Variants in MTF2 observed in about 807,000 individuals in gnomAD.
MTF2 encodes the protein metal response element binding transcription factor 2, also known as metal-response element-binding transcription factor 2.
A neutral mutation model predicts 79.5 loss-of-function variants in MTF2; 11 were observed. The observed-to-expected ratio is 0.14, with a 90% confidence interval of 0.09 to 0.23. The LOEUF (loss-of-function observed/expected upper bound fraction) is 0.23. MTF2 is among the 10% of genes least tolerant of loss of function. MTF2 has a pLI of 1.00. For missense variants in MTF2, 486 were observed against 711.2 expected (o/e 0.68, Z 3.60); for synonymous variants, 208 against 232.8 (o/e 0.89, Z 0.97).
At chr1:93,132,469 G>GCATC (rs1656959176) in intron 11 of MTF2, among the ~76,000 whole-genome samples, 1 of 152,116 alleles carries the variant, frequency 6.6e-6, no homozygotes, top group African/African-American at 2.4e-5. Flanking sequence ...TTCTTTAAAG[G>GCATC]CATCCTCAGT....
chr1:93,083,995 A>G lies in MTF2; in HGVS notation c.5+4464A>G, dbSNP rs564862331. 2.0e-5 allele frequency among the ~76,000 whole-genome samples: 3 copies of G among 151,962 alleles called. No individual in the cohort carries two copies. The South Asian group carries it at 6.2e-4, about 31-fold the overall frequency. ...CTTTTCTTCCCCCATCCTGTGCATT[A>G]TCTTTTCACTTTCCTGATGGTGTCC... is the stretch of plus-strand genomic sequence containing the variant. On this transcript the variant is annotated intron_variant, in intron 1 of 14. Transcript: ENST00000370298.
intron 1 of MTF2, among the ~76,000 whole-genome samples, chr1:93,099,467 A>C (rs1423119061): frequency 6.6e-6 from 1 of 152,218 alleles, no homozygotes; most frequent in Non-Finnish European, 1.5e-5. Context: ...TAAAGGAGTA[A>C]AAGTCAGAGT....
intron 9 of MTF2, among the ~76,000 whole-genome samples, chr1:93,126,517 G>A (rs1218069391): frequency 2.0e-5 from 3 of 151,748 alleles, no homozygotes; most frequent in Non-Finnish European, 4.4e-5. Flanking sequence ...CATTAATTCA[G>A]GATGGTCCTT....
chr1:93,119,621 A>C (rs1362632720), intron 8 of MTF2: 1 of 439,906 alleles, frequency 2.3e-6, no homozygotes, highest in Non-Finnish European at 4.0e-6. Flanking sequence ...GTTATAAATG[A>C]AACTTTCAGA....
intron 1 of MTF2, among the ~76,000 whole-genome samples, chr1:93,099,633 G>T (rs1015266308): frequency 4.6e-5 from 7 of 152,120 alleles, no homozygotes; most frequent in Non-Finnish European, 8.8e-5. Flanking sequence ...GATATGCAAG[G>T]TTTATACAGC....
intron 8 of MTF2, 49 bp from the exon 9 acceptor site, chr1:93,120,500 C>T (rs912496241): frequency 1.3e-6 from 2 of 1,502,254 alleles, no homozygotes; most frequent in African/African-American, 1.4e-5. Context: ...GATTTTTTAA[C>T]AGTAACCAAA....
chr1:93,137,051 A>G lies in MTF2; in HGVS notation c.*24A>G, dbSNP rs1571259467. ...GACTGTAGGACTGAACATTATGTTC[A>G]CTGCACTCTGATTTTCTGTAGGTAC... On this transcript the variant is annotated 3_prime_UTR_variant, in exon 15 of 15. Transcript: ENST00000370298. 1.3e-6 allele frequency: 2 copies of G among 1,584,454 alleles called. No individual in the cohort carries two copies. The highest frequency in any genetic ancestry group is 1.7e-6 in the Non-Finnish European group (2 of 1,155,886).
chr1:93,120,803 A>G (rs1656442555), intron 9 of MTF2, 131 bp downstream of exon 9: 4 of 1,448,134 alleles, frequency 2.8e-6, no homozygotes, highest in Non-Finnish European at 3.6e-6. Context: ...AGTTCTGGGG[A>G]CAAATAAGTT....
At chr1:93,092,471 A>C (rs1655111598) in intron 1 of MTF2, among the ~76,000 whole-genome samples, 1 of 152,194 alleles carries the variant, frequency 6.6e-6, no homozygotes, top group Non-Finnish European at 1.5e-5. Context: ...AAAACAATGT[A>C]GTTTCTTTTC....
chr1:93,116,519 T>C (rs1386351080), intron 6 of MTF2, among the ~76,000 whole-genome samples: 2 of 151,218 alleles, frequency 1.3e-5, no homozygotes, highest in Non-Finnish European at 2.9e-5. Context: ...TTTTTTTTTT[T>C]TTGAGACAGG....
At chr1:93,119,071 G>T (rs557251240) in intron 7 of MTF2, among the ~76,000 whole-genome samples, 1 of 152,224 alleles carries the variant, frequency 6.6e-6, no homozygotes, top group African/African-American at 2.4e-5. Context: ...ATAAGTACGT[G>T]TGAGTCTGTG....
At chr1:93,104,883 G>A (rs1195124705) in intron 1 of MTF2, among the ~76,000 whole-genome samples, 2 of 151,940 alleles carry the variant, frequency 1.3e-5, no homozygotes, top group East Asian at 3.9e-4. Context: ...TCGGCCGGGC[G>A]CGGTGGCTCA....
At chr1:93,122,906 T>C (rs1316000323) in intron 9 of MTF2, among the ~76,000 whole-genome samples, 3 of 152,120 alleles carry the variant, frequency 2.0e-5, no homozygotes, top group African/African-American at 7.2e-5. Flanking sequence ...TTCAGTGTTT[T>C]TCATTTAGAT....
chr1:93,125,555 AG>A (rs1310514954), intron 9 of MTF2, among the ~76,000 whole-genome samples: 4 of 152,186 alleles, frequency 2.6e-5, no homozygotes, highest in Middle Eastern at 3.4e-3. Flanking sequence ...CAGAATCAAG[AG>A]AAAAGATCTG....
chr1:93,079,444 T>C lies in MTF2; in HGVS notation c.-83T>C, dbSNP rs1224653979. The C allele has an allele frequency of 2.5e-6, 4 of 1,585,734 alleles. No individual in the cohort carries two copies. Among genetic ancestry groups the C allele is most frequent in the Non-Finnish European group, 3.5e-6 (4 of 1,156,052 alleles). ...GGTGGGGCGGGTGCCCAGTAAGTGC[T>C]CGGACTCGCAGGGGAAGCGCCCACG... On this transcript the variant is annotated 5_prime_UTR_variant, in exon 1 of 15. Coordinates refer to ENST00000370298, the MANE Select transcript of MTF2 (RefSeq NM_007358.4).
chr1:93,111,959 A>G (rs1267640247), intron 3 of MTF2, among the ~76,000 whole-genome samples: 1 of 152,096 alleles, frequency 6.6e-6, no homozygotes, highest in Non-Finnish European at 1.5e-5. Flanking sequence ...ATTTAATGTA[A>G]TAGGTCTGTC....
intron 1 of MTF2, among the ~76,000 whole-genome samples, chr1:93,105,969 C>T (rs934718442): frequency 3.9e-5 from 6 of 152,086 alleles, no homozygotes; most frequent in East Asian, 3.9e-4. Context: ...CCACCATGCC[C>T]GGCCATGAAT....
intron 1 of MTF2, among the ~76,000 whole-genome samples, chr1:93,101,653 C>CT (rs1276182833): frequency 7.4e-6 from 1 of 134,268 alleles, no homozygotes; most frequent in Non-Finnish European, 1.5e-5. Context: ...TCACAGCTCA[C>CT]TGCAGCCTCG....
intron 1 of MTF2, among the ~76,000 whole-genome samples, chr1:93,106,995 G>C (rs183316812): frequency 7.2e-5 from 11 of 152,242 alleles, no homozygotes; most frequent in Admixed American, 7.2e-4. Context: ...CACTGATCTT[G>C]TCAAACATTT....
Sources: allele counts gnomAD v4.1 joint callset (sites outside exome capture counted in the v4.1 genomes callset), GRCh38; gene constraint gnomAD v4.1.1; transcripts MANE v1.5; gene names NCBI Gene and HGNC (gene_info 2026-07-23, HGNC 2026-07-21).